AGMO: variants seen among roughly 807,000 people sequenced by gnomAD.
AGMO encodes glyceryl-ether monooxygenase.
Under a neutral mutation model 60.2 loss-of-function variants are expected in AGMO, and 75 were observed. That is an observed-to-expected ratio of 1.25 (90% CI 1.03 to 1.51). The LOEUF is 1.51. AGMO is among the 40% of genes most tolerant of loss of function. The pLI, the probability that AGMO is intolerant of heterozygous loss-of-function variation, is 0.00. For missense variants in AGMO, 763 were observed against 525.5 expected (o/e 1.45, Z -4.42); for synonymous variants, 261 against 177.1 (o/e 1.47, Z -3.76).
At chr7:15,482,700 G>A (rs1782792293) in intron 3 of AGMO, among the ~76,000 whole-genome samples, 1 of 152,094 alleles carries the variant, frequency 6.6e-6, no homozygotes, top group African/African-American at 2.4e-5. Flanking sequence ...AAGGAAAGTT[G>A]TAGGATAATC....
Position 15,390,649 on chromosome 7 carries a change from GAAT to G in AGMO, c.822+19_822+21del. The stretch of plus-strand genomic sequence containing the variant: ...TTATGAAATGATATAAATGAAGAAA[GAAT>G]AAAAAACAAGTATGTTACCTGCACT... On this transcript the variant is annotated intron_variant, in intron 8 of 12. Transcript: ENST00000342526. The G allele has an allele frequency of 6.7e-7, 1 of 1,499,962 alleles. No individual in the cohort carries two copies. Among genetic ancestry groups the G allele is most frequent in the Non-Finnish European group, 9.2e-7 (1 of 1,092,652 alleles). The allele number at this position is 1,499,962 out of a possible 1,614,324, so 92.9% of individuals were successfully genotyped here. A position where few individuals can be genotyped will look rare whatever the true frequency, so the allele number is the denominator to read the frequency against.
chr7:15,374,952 A>C (rs1306308235), intron 10 of AGMO, among the ~76,000 whole-genome samples: 1 of 152,106 alleles, frequency 6.6e-6, no homozygotes, highest in Non-Finnish European at 1.5e-5. Flanking sequence ...AGGGCAAAAA[A>C]GGATCAGAGT....
the AGMO span, among the ~76,000 whole-genome samples, chr7:15,170,459 T>TTAGC: frequency 6.6e-6 from 1 of 152,178 alleles, no homozygotes; most frequent in Non-Finnish European, 1.5e-5. Context: ...ATAACCAAGG[T>TTAGC]TAGCATATTA....
the AGMO span, among the ~76,000 whole-genome samples, chr7:15,119,666 CT>C: frequency 6.6e-6 from 1 of 152,074 alleles, no homozygotes; most frequent in Admixed American, 6.6e-5. Context: ...ATTGGTTTTG[CT>C]TTTAATACAT....
At chr7:15,493,246 C>T (rs192308477) in intron 3 of AGMO, among the ~76,000 whole-genome samples, 1 of 147,018 alleles carries the variant, frequency 6.8e-6, no homozygotes, top group Admixed American at 6.8e-5. Flanking sequence ...GTTTTTTTTG[C>T]GTTTTGTCCA....
At chr7:15,460,962 A>T (rs1053457967) in intron 3 of AGMO, among the ~76,000 whole-genome samples, 1 of 152,112 alleles carries the variant, frequency 6.6e-6, no homozygotes, top group Non-Finnish European at 1.5e-5. Flanking sequence ...TATTAGTATG[A>T]ATTATGTTGT....
chr7:15,467,082 C>T (rs986246967), intron 3 of AGMO, among the ~76,000 whole-genome samples: 3 of 152,010 alleles, frequency 2.0e-5, no homozygotes, highest in African/African-American at 7.2e-5. Flanking sequence ...TATAATACTG[C>T]TGAATTTAAA....
At chr7:15,559,429 C>T (rs989396026) in intron 2 of AGMO, among the ~76,000 whole-genome samples, 2 of 152,064 alleles carry the variant, frequency 1.3e-5, no homozygotes, top group Non-Finnish European at 2.9e-5. Context: ...ATAAAGCTTG[C>T]TGAAGAGTGT....
At chr7:15,396,547 CACAACGAGGAAAAGG>C (rs1784395311) in intron 5 of AGMO, 1 of 152,234 alleles carries the variant, frequency 6.6e-6, no homozygotes, top group African/African-American at 2.4e-5. Context: ...ACAAAGCTAC[CACAACGAGGAAAAGG>C]ACAACAGCTT....
At chr7:15,322,431 T>C (rs1021437159) in intron 12 of AGMO, among the ~76,000 whole-genome samples, 11 of 127,794 alleles carry the variant, frequency 8.6e-5, no homozygotes, top group Non-Finnish European at 1.5e-4. Flanking sequence ...TATACCTGTG[T>C]GTGTATATAT....
At chr7:15,159,515 G>T in the AGMO span, among the ~76,000 whole-genome samples, 1 of 152,102 alleles carries the variant, frequency 6.6e-6, no homozygotes, top group African/African-American at 2.4e-5. Flanking sequence ...TTCTCATTTA[G>T]AATGTACATT....
chr7:15,395,955 T>C (rs932385170), intron 5 of AGMO: 2 of 152,200 alleles, frequency 1.3e-5, no homozygotes, highest in Non-Finnish European at 2.9e-5. Context: ...ATGGAAGCTG[T>C]GGCAATGTTG....
At chr7:15,313,363 G>A (rs914132753) in intron 12 of AGMO, among the ~76,000 whole-genome samples, 14 of 152,130 alleles carry the variant, frequency 9.2e-5, no homozygotes, top group African/African-American at 3.4e-4. Context: ...TGAGGAACTA[G>A]AACAGAAGTT....
intron 12 of AGMO, among the ~76,000 whole-genome samples, chr7:15,235,871 T>C (rs943211914): frequency 8.5e-5 from 13 of 152,110 alleles, no homozygotes; most frequent in South Asian, 2.1e-4. Context: ...ACTGCAAAAT[T>C]TGCATCATTT....
intron 3 of AGMO, among the ~76,000 whole-genome samples, chr7:15,524,094 T>C (rs1447714714): frequency 6.6e-6 from 1 of 152,062 alleles, no homozygotes; most frequent in Non-Finnish European, 1.5e-5. Context: ...AAATAATTAA[T>C]ATATACTATT....
chr7:15,347,778 G>GT (rs1453274165), intron 12 of AGMO, among the ~76,000 whole-genome samples: 2 of 151,976 alleles, frequency 1.3e-5, no homozygotes, highest in Non-Finnish European at 2.9e-5. Context: ...GACAAGTGTT[G>GT]TATTTAGCTT....
At chr7:15,432,333 T>TATATATATATACATAC (rs1562504311) in intron 3 of AGMO, among the ~76,000 whole-genome samples, 111 of 135,056 alleles carry the variant, frequency 8.2e-4, no homozygotes, top group African/African-American at 2.0e-3. Context: ...TATATGTATA[T>TATATATATATACATAC]ATATATATAT....
chr7:15,542,080 G>T lies in AGMO; in HGVS notation c.409+2692C>A, dbSNP rs573574799. Among the ~76,000 whole-genome samples the T allele has an allele frequency of 9.2e-5, 14 of 151,706 alleles. No individual in the cohort carries two copies. In the East Asian group the frequency reaches 2.7e-3, roughly 29 times the overall value. ...GGCTCAAGAAATTTGATATTATATGGGGTTTTTTTTAGCCCTGTGTGTGTC... is the reference window on the plus strand; with the variant it reads ...GGCTCAAGAAATTTGATATTATATGTGGTTTTTTTTAGCCCTGTGTGTGTC... On this transcript the variant is annotated intron_variant, in intron 3 of 12. Coordinates refer to ENST00000342526, the MANE Select transcript of AGMO (RefSeq NM_001004320.2).
At chr7:15,239,309 G>C (rs572974575) in intron 12 of AGMO, among the ~76,000 whole-genome samples, 10 of 152,204 alleles carry the variant, frequency 6.6e-5, no homozygotes, top group African/African-American at 2.4e-4. Flanking sequence ...TGATGCAAAG[G>C]ATTTAAAACT....
Sources: gnomAD v4.1 joint callset for allele counts (sites outside exome capture counted in the v4.1 genomes callset) on GRCh38, gnomAD v4.1.1 for gene constraint, MANE v1.5 for transcripts, NCBI Gene and HGNC (gene_info 2026-07-23, HGNC 2026-07-21) for gene names.